Variants in ASPH observed in about 807,000 individuals in gnomAD.
ASPH encodes aspartate beta-hydroxylase.
In ASPH, 100 loss-of-function variants were observed where a neutral mutation model predicts 118.4. The observed-to-expected ratio is 0.84, with a 90% confidence interval of 0.72 to 1.00. ASPH has a LOEUF of 1.00. ASPH is among the 50% of genes least tolerant of loss of function. The pLI, the probability that ASPH is intolerant of heterozygous loss-of-function variation, is 0.00. For missense variants in ASPH, 920 were observed against 919.5 expected, an observed-to-expected ratio of 1.00 and a Z score of -0.01; for synonymous variants, 315 against 325.6, an observed-to-expected ratio of 0.97 and a Z score of 0.35.
chr8:61,664,553 G>A (rs1355764015), intron 3 of ASPH: 1 of 985,210 alleles, frequency 1.0e-6, no homozygotes. Context: ...AGAAGGGTGA[G>A]GTTGTTGTAG....
At chr8:61,552,969 A>G in intron 20 of ASPH, 62 bp downstream of exon 20, 1 of 1,351,978 alleles carries the variant, frequency 7.4e-7, no homozygotes, top group South Asian at 1.3e-5. Flanking sequence ...CTTTCCTAGA[A>G]ATAATTATTC....
chr8:61,674,983 A>G (rs190337265), intron 3 of ASPH, among the ~76,000 whole-genome samples: 1 of 152,296 alleles, frequency 6.6e-6, no homozygotes, highest in African/African-American at 2.4e-5. Context: ...CCTTATCCCT[A>G]GAAGAGCTTT....
intron 1 of ASPH, among the ~76,000 whole-genome samples, chr8:61,693,144 T>C (rs1833063515): frequency 6.6e-6 from 1 of 152,134 alleles, no homozygotes; most frequent in Non-Finnish European, 1.5e-5. Context: ...CGTAACCATG[T>C]GATTTCAATG....
rs749425308 is a variant in ASPH, at chr8:61,651,030, GAGC to G, written c.490+17_490+19del. 1.3e-6 allele frequency: 2 copies of G among 1,594,176 alleles called. No individual in the cohort carries two copies. The highest frequency in any genetic ancestry group is 1.1e-5 in the South Asian group (1 of 87,886). On this transcript the variant is annotated intron_variant, in intron 5 of 24. Coordinates refer to ENST00000379454, the MANE Select transcript of ASPH (RefSeq NM_004318.4). ...CGTTATTTTAGTAACTCAAAACAAA[GAGC>G]AGATTTTAATTCATACCATGTTCTG... is the stretch of plus-strand genomic sequence containing the variant.
intron 3 of ASPH, chr8:61,665,376 AT>A: frequency 6.2e-7 from 1 of 1,612,836 alleles, no homozygotes. Flanking sequence ...ATATTTGTTG[AT>A]TTTTTCCTAT....
chr8:61,556,807 A>T (rs1828041377), intron 18 of ASPH, among the ~76,000 whole-genome samples: 3 of 152,196 alleles, frequency 2.0e-5, no homozygotes, highest in Admixed American at 2.0e-4. Flanking sequence ...GCATGTAGGG[A>T]AAGATGCATC....
chr8:61,663,255 T>A (rs1402441050), intron 3 of ASPH: 1 of 985,196 alleles, frequency 1.0e-6, no homozygotes, highest in Admixed American at 6.2e-5. Flanking sequence ...TGGGACCCAC[T>A]CAACTCCCAT....
chr8:61,510,116 T>C (rs922720802), intron 24 of ASPH, among the ~76,000 whole-genome samples: 1 of 152,190 alleles, frequency 6.6e-6, no homozygotes, highest in Admixed American at 6.5e-5. Flanking sequence ...TCAAATATAC[T>C]GAGTGCATTT....
chr8:61,636,311 A>T (rs1170154739), intron 12 of ASPH, among the ~76,000 whole-genome samples: 6 of 152,178 alleles, frequency 3.9e-5, no homozygotes, highest in Non-Finnish European at 7.3e-5. Flanking sequence ...AGCTATGGAG[A>T]AAAAAATGGA....
At chr8:61,650,039 C>T (rs1395208774) in intron 5 of ASPH, among the ~76,000 whole-genome samples, 1 of 152,088 alleles carries the variant, frequency 6.6e-6, no homozygotes, top group Admixed American at 6.6e-5. Context: ...CTCTTCTGAC[C>T]CCCCTTCTGA....
chr8:61,547,812 G>A (rs1171616711), intron 21 of ASPH, among the ~76,000 whole-genome samples: 2 of 152,046 alleles, frequency 1.3e-5, no homozygotes, highest in African/African-American at 4.8e-5. Flanking sequence ...CCTTGGGGTA[G>A]TCAATAATTT....
At chr8:61,606,648 T>C (rs1293381738) in intron 14 of ASPH, 1 of 152,122 alleles carries the variant, frequency 6.6e-6, no homozygotes, top group Non-Finnish European at 1.5e-5. Flanking sequence ...GAAGCAGGAA[T>C]GGGACAAAGA....
chr8:61,529,160 C>T (rs1445848302), intron 21 of ASPH, among the ~76,000 whole-genome samples: 1 of 152,130 alleles, frequency 6.6e-6, no homozygotes, highest in Non-Finnish European at 1.5e-5. Flanking sequence ...TGCCAAAACC[C>T]CTCTGTACTA....
rs567183682 is a variant in ASPH at position 61,628,520 on chromosome 8, C to T, written c.934+5163G>A. On this transcript the variant is annotated intron_variant, in intron 13 of 24. Coordinates refer to ENST00000379454, the MANE Select transcript of ASPH (RefSeq NM_004318.4). ...AACATCCTCTGAGAAGAGACACTTGCCTACATTTCCCCTGTCCTCTTTCAC... is the reference window on the plus strand; with the variant it reads ...AACATCCTCTGAGAAGAGACACTTGTCTACATTTCCCCTGTCCTCTTTCAC... 2.4e-3 allele frequency among the ~76,000 whole-genome samples: 369 copies of T among 152,052 alleles called. 1 individual carries two copies. Among genetic ancestry groups the T allele is most frequent in the Middle Eastern group, 6.8e-3 (2 of 292 alleles).
Position 61,714,300 on chromosome 8 carries a change from A to T in ASPH, c.72T>A (p.Ser24Arg), listed in dbSNP as rs1455503951. The T allele has an allele frequency of 6.6e-7, 1 of 1,521,154 alleles. No individual in the cohort carries two copies. The highest frequency in any genetic ancestry group is 8.8e-7 in the Non-Finnish European group (1 of 1,135,632). The allele number at this position is 1,521,154 out of a possible 1,614,324, so 94.2% of individuals were successfully genotyped here. A position where few individuals can be genotyped will look rare whatever the true frequency, so the allele number is the denominator to read the frequency against. Reference sequence around the variant, plus strand: ...GGGCCCCGGGGCTGCTGCTGCCCGCACTCGTGCTACCGCTGCCGGAGCCGC... The same window carrying T: ...GGGCCCCGGGGCTGCTGCTGCCCGCTCTCGTGCTACCGCTGCCGGAGCCGC... ...SSSGSGSGST[S>R]AGSSSPGARR... The change falls in exon 1 of 25, where the codon AGT becomes AGA. Residue 24 changes from serine (S) to arginine (R), a missense_variant. Transcript: ENST00000379454.
At position 61,501,005 on chromosome 8, in the gene ASPH, C is replaced by CAGA. The variant is rs1415059853; in HGVS notation, c.*2351_*2353dup. The CAGA allele has an allele frequency of 6.6e-5, 10 of 152,138 alleles. No individual in the cohort carries two copies. Among genetic ancestry groups the CAGA allele is most frequent in the African/African-American group, 2.4e-4 (10 of 41,502 alleles). The allele number at this position is 152,138 out of a possible 1,614,324, so 9.4% of individuals were successfully genotyped here. A position where few individuals can be genotyped will look rare whatever the true frequency, so the allele number is the denominator to read the frequency against. The stretch of plus-strand genomic sequence containing the variant: ...TTCCCCTATTGGTAGAGAACAATAA[C>CAGA]AGAAGTAATTTTTATATTATACACT... On this transcript the variant is annotated 3_prime_UTR_variant, in exon 25 of 25. Coordinates refer to ENST00000379454, the MANE Select transcript of ASPH (RefSeq NM_004318.4).
intron 14 of ASPH, among the ~76,000 whole-genome samples, chr8:61,590,568 G>C (rs193220095): frequency 5.3e-4 from 80 of 151,636 alleles, no homozygotes; most frequent in African/African-American, 1.9e-3. Context: ...GTGTGTGTGT[G>C]TGTGTGTGTG....
Position 61,502,531 on chromosome 8 carries a change from A to G in ASPH, c.*828T>C, listed in dbSNP as rs892318317. ...GAACATAGTTTTATTTCCGTGAACTATACTTTTTCCCCAGAAGCTCTAATA... is the reference window on the plus strand; with the variant it reads ...GAACATAGTTTTATTTCCGTGAACTGTACTTTTTCCCCAGAAGCTCTAATA... On this transcript the variant is annotated 3_prime_UTR_variant, in exon 25 of 25. Transcript: ENST00000379454. 6.6e-6 allele frequency: 1 copy of G among 152,192 alleles called. No individual in the cohort carries two copies. Among genetic ancestry groups the G allele is most frequent in the African/African-American group, 2.4e-5 (1 of 41,448 alleles). The allele number at this position is 152,192 out of a possible 1,614,324, so 9.4% of individuals were successfully genotyped here. A position where few individuals can be genotyped will look rare whatever the true frequency, so the allele number is the denominator to read the frequency against.
chr8:61,619,923 G>T (rs6999403), intron 13 of ASPH, among the ~76,000 whole-genome samples: 3,999 of 152,258 alleles, frequency 0.026, 152 homozygotes, highest in African/African-American at 0.09. Flanking sequence ...TAAAAAACCA[G>T]ACTCTGTCCT....
Sources: gnomAD v4.1 joint callset for allele counts (sites outside exome capture counted in the v4.1 genomes callset) on GRCh38, gnomAD v4.1.1 for gene constraint, MANE v1.5 for transcripts, NCBI Gene and HGNC (gene_info 2026-07-23, HGNC 2026-07-21) for gene names.